Variants in CDKN2B-AS1 observed in about 807,000 individuals in gnomAD.
CDKN2B-AS1 encodes CDKN2B antisense RNA 1 (non-protein coding).
intron 4 of CDKN2B-AS1, among the ~76,000 whole-genome samples, chr9:22,093,392 G>C (rs1036793317): frequency 8.6e-6 from 1 of 116,468 alleles, no homozygotes; most frequent in Non-Finnish European, 1.8e-5. Context: ...TTTCTGTCTC[G>C]TTGATCTGTC....
exon 5 of CDKN2B-AS1, among the ~76,000 whole-genome samples, chr9:22,127,399 C>T (rs1200533200): frequency 2.6e-5 from 4 of 152,174 alleles, no homozygotes; most frequent in Non-Finnish European, 5.9e-5. Flanking sequence ...TCTTTAAAAG[C>T]AAGGTAAGTA....
At chr9:22,063,515 A>G (rs1366349320) in intron 4 of CDKN2B-AS1, among the ~76,000 whole-genome samples, 1 of 152,194 alleles carries the variant, frequency 6.6e-6, no homozygotes, top group Non-Finnish European at 1.5e-5. Flanking sequence ...CAGAGACCAT[A>G]TGTTTGTTGT....
chr9:22,003,782 T>C (rs1821037582), intron 1 of CDKN2B-AS1: 1 of 232,220 alleles, frequency 4.3e-6, no homozygotes, highest in Non-Finnish European at 8.5e-6. Context: ...TGTTGACATT[T>C]TAAAATAGTT....
Position 22,006,947 on chromosome 9 carries a change from C to A in CDKN2B-AS1, n.29+11786C>A, listed in dbSNP as rs1821219975. Among the ~76,000 whole-genome samples the A allele has an allele frequency of 6.6e-6, 1 of 152,018 alleles. No homozygotes were observed. The highest frequency in any genetic ancestry group is 2.4e-5 in the African/African-American group (1 of 41,386). On this transcript the variant is annotated intron_variant and non_coding_transcript_variant, in intron 1 of 4. Transcript: ENST00000650946. This position sits in a 1 kb window ranked among gnomAD's most constrained non-coding sequence, Gnocchi z 6.4. ...AAATGATTTTTCCTTAACAGTTCATCATTTTAAATTTAGACTATAATATTT... is the reference window on the plus strand; with the variant it reads ...AAATGATTTTTCCTTAACAGTTCATAATTTTAAATTTAGACTATAATATTT...
In CDKN2B-AS1 at chr9:22,000,624, A is replaced by G. The variant is rs1820875151; in HGVS notation, n.29+5463A>G. Among the ~76,000 whole-genome samples the G allele has an allele frequency of 6.6e-6, 1 of 152,194 alleles. No individual in the cohort carries two copies. The highest frequency in any genetic ancestry group is 1.5e-5 in the Non-Finnish European group (1 of 68,018). On this transcript the variant is annotated intron_variant and non_coding_transcript_variant, in intron 1 of 4. Transcript: ENST00000650946. The surrounding 1 kb of genome is among the most constrained non-coding windows in gnomAD (Gnocchi z 4.1). ...GAGCCATGCCATATACATCTTTACA[A>G]CAGTCACCCTCTAGAAGAAAACTCT...
chr9:22,089,319 C>G (rs1326513509), intron 4 of CDKN2B-AS1, among the ~76,000 whole-genome samples: 2 of 152,140 alleles, frequency 1.3e-5, no homozygotes, highest in Admixed American at 1.3e-4. Context: ...TGATATTTAT[C>G]TGATACAATT....
At chr9:22,125,219 ACT>A (rs1389283188) in intron 4 of CDKN2B-AS1, among the ~76,000 whole-genome samples, 1 of 152,244 alleles carries the variant, frequency 6.6e-6, no homozygotes, top group East Asian at 1.9e-4. Context: ...CACTGTTACT[ACT>A]GAAGAAGTAA....
chr9:22,050,192 A>C (rs1823286862), intron 3 of CDKN2B-AS1, among the ~76,000 whole-genome samples: 1 of 152,182 alleles, frequency 6.6e-6, no homozygotes, highest in Non-Finnish European at 1.5e-5. Context: ...CTTCCATAGC[A>C]CTTAGCTCAT....
intron 4 of CDKN2B-AS1, among the ~76,000 whole-genome samples, chr9:22,099,388 C>G (rs1412099224): frequency 6.6e-6 from 1 of 152,166 alleles, no homozygotes; most frequent in Admixed American, 6.5e-5. Flanking sequence ...AGAAAAATTA[C>G]TTTGGCAGGA....
chr9:22,088,812 A>T (rs1362563293), intron 4 of CDKN2B-AS1, among the ~76,000 whole-genome samples: 1 of 152,244 alleles, frequency 6.6e-6, no homozygotes, highest in African/African-American at 2.4e-5. Flanking sequence ...ACACCACTGT[A>T]TGTACCTAGT....
intron 1 of CDKN2B-AS1, among the ~76,000 whole-genome samples, chr9:22,026,576 G>T (rs1016136676): frequency 6.6e-6 from 1 of 152,210 alleles, no homozygotes; most frequent in African/African-American, 2.4e-5. Flanking sequence ...CCAAGCCAGT[G>T]GGTCTTATCC....
intron 4 of CDKN2B-AS1, among the ~76,000 whole-genome samples, chr9:22,123,554 G>A (rs73441298): frequency 0.012 from 1,786 of 152,240 alleles, 39 homozygotes; most frequent in African/African-American, 0.041. Flanking sequence ...GGGAGGTCTC[G>A]AGGGGTAAGA....
intron 1 of CDKN2B-AS1, among the ~76,000 whole-genome samples, chr9:22,011,591 A>G (rs1404304913): frequency 6.6e-6 from 1 of 152,178 alleles, no homozygotes; most frequent in African/African-American, 2.4e-5. Context: ...AGCAGCTGTC[A>G]TGGTAGGCTT....
chr9:22,051,167 T>G (rs940244919), intron 3 of CDKN2B-AS1, among the ~76,000 whole-genome samples: 2 of 152,188 alleles, frequency 1.3e-5, no homozygotes, highest in African/African-American at 4.8e-5. Context: ...CATTTCAGCC[T>G]GCTCCTTTAA....
chr9:22,026,105 A>G lies in CDKN2B-AS1; in HGVS notation n.30-20646A>G, dbSNP rs1232701835. 3.3e-5 allele frequency among the ~76,000 whole-genome samples: 5 copies of G among 151,000 alleles called. No individual in the cohort carries two copies. In the East Asian group the frequency reaches 5.8e-4, roughly 18 times the overall value. ...GGGGACCTGCTAAAAAAAAAAAAAAAGCAGTGTGGCCACATTTTTGTCGGG... is the reference window on the plus strand; with the variant it reads ...GGGGACCTGCTAAAAAAAAAAAAAAGGCAGTGTGGCCACATTTTTGTCGGG... On this transcript the variant is annotated intron_variant and non_coding_transcript_variant, in intron 1 of 4. Transcript: ENST00000650946.
At chr9:22,107,711 A>T (rs1395296239) in intron 4 of CDKN2B-AS1, among the ~76,000 whole-genome samples, 1 of 152,176 alleles carries the variant, frequency 6.6e-6, no homozygotes, top group African/African-American at 2.4e-5. Context: ...GTAGAGAATG[A>T]CTGACTGGTC....
chr9:22,096,183 C>T (rs532533115), intron 4 of CDKN2B-AS1, among the ~76,000 whole-genome samples: 9 of 152,226 alleles, frequency 5.9e-5, no homozygotes, highest in East Asian at 5.8e-4. Context: ...TGTTATAGGA[C>T]AAATGTTGGG....
chr9:22,068,610 C>G (rs756679799), intron 4 of CDKN2B-AS1, among the ~76,000 whole-genome samples: 1 of 152,102 alleles, frequency 6.6e-6, no homozygotes, highest in African/African-American at 2.4e-5. Flanking sequence ...GAACTCTTTT[C>G]CAGTGACGTA....
chr9:22,003,168 C>G (rs1430996650), intron 1 of CDKN2B-AS1: 2 of 216,678 alleles, frequency 9.2e-6, no homozygotes, highest in African/African-American at 4.5e-5. Flanking sequence ...AACCTGTCTG[C>G]CAGGTGGCTT....
Sources: allele counts gnomAD v4.1 joint callset (sites outside exome capture counted in the v4.1 genomes callset), GRCh38; gene constraint gnomAD v4.1.1; non-coding constraint Gnocchi (gnomAD v3.1); transcripts MANE v1.5; gene names NCBI Gene and HGNC (gene_info 2026-07-23, HGNC 2026-07-21).